Variants in MAGI3 observed in about 807,000 individuals in gnomAD.
MAGI3 encodes the protein membrane associated guanylate kinase, WW and PDZ domain containing 3.
In MAGI3, 43 loss-of-function variants were observed where a neutral mutation model predicts 121.8. The observed-to-expected ratio is 0.35, with a 90% CI of 0.28 to 0.46. MAGI3 has a LOEUF of 0.46. Ranked by LOEUF, MAGI3 falls within the 20% of genes least tolerant of loss-of-function variation. The pLI is 1.00. For synonymous variants in MAGI3, 553 were observed against 639.3 expected, an observed-to-expected ratio of 0.86 and a Z score of 2.04; for missense variants, 1,547 against 1,797.3, an observed-to-expected ratio of 0.86 and a Z score of 2.52.
At chr1:113,622,698 G>A (rs1442056439) in intron 8 of MAGI3, 108 bp from the exon 9 acceptor site, 2 of 895,074 alleles carry the variant, frequency 2.2e-6, no homozygotes, top group Non-Finnish European at 3.3e-6. Context: ...CAATGAGAAA[G>A]AGATTAAGTT....
intron 16 of MAGI3, among the ~76,000 whole-genome samples, chr1:113,671,132 A>G (rs1399920167): frequency 1.3e-5 from 2 of 152,176 alleles, no homozygotes; most frequent in African/African-American, 4.8e-5. Flanking sequence ...AATGATACAA[A>G]ACAAATGTAA....
intron 15 of MAGI3, among the ~76,000 whole-genome samples, chr1:113,655,266 A>G (rs1170366745): frequency 2.0e-5 from 3 of 152,194 alleles, no homozygotes; most frequent in Non-Finnish European, 4.4e-5. Flanking sequence ...ACATACAATA[A>G]CACCAGGCAT....
intron 7 of MAGI3, among the ~76,000 whole-genome samples, chr1:113,616,176 G>A (rs578073887): frequency 3.3e-5 from 5 of 152,256 alleles, no homozygotes; most frequent in African/African-American, 9.6e-5. Flanking sequence ...ATCCTGAAGC[G>A]ACCTGCTCCT....
At chr1:113,455,238 A>T (rs1171767462) in intron 1 of MAGI3, among the ~76,000 whole-genome samples, 4 of 152,218 alleles carry the variant, frequency 2.6e-5, no homozygotes, top group Non-Finnish European at 5.9e-5. Context: ...GAAATCATTT[A>T]AAAAGTTAAA....
intron 1 of MAGI3, among the ~76,000 whole-genome samples, chr1:113,443,644 C>T (rs939956340): frequency 2.0e-5 from 3 of 152,048 alleles, no homozygotes; most frequent in Admixed American, 6.6e-5. Context: ...CAATCCCATC[C>T]GTAGTTTTTG....
rs372891213 is a variant in MAGI3, at chr1:113,613,322, A to G, written c.1019-1279A>G. On this transcript the variant is annotated intron_variant, in intron 6 of 20. Coordinates refer to ENST00000307546, the MANE Select transcript of MAGI3 (RefSeq NM_001142782.2). ...AAAGGAAAAACACAAAAACTCATCA[A>G]ACTTTGAAACCACCAATCAATATAT... 3.3e-5 allele frequency among the ~76,000 whole-genome samples: 5 copies of G among 152,270 alleles called. No homozygotes were observed. In the East Asian group the frequency reaches 5.8e-4, roughly 18 times the overall value.
At position 113,648,433 on chromosome 1, in the gene MAGI3, A is replaced by G. The variant is rs181603728; in HGVS notation, c.2156-804A>G. Among the ~76,000 whole-genome samples the G allele has an allele frequency of 6.0e-4, 87 of 145,188 alleles. 2 individuals carry two copies. In the East Asian group the frequency reaches 0.016, roughly 27 times the overall value. Reference sequence around the variant, plus strand: ...AATATTCTTTTTTTTTTTTTTTGAGATGGAGTCTTGCTCTGTTGCCCAGGC... The same window carrying G: ...AATATTCTTTTTTTTTTTTTTTGAGGTGGAGTCTTGCTCTGTTGCCCAGGC... On this transcript the variant is annotated intron_variant, in intron 12 of 20. Transcript: ENST00000307546.
At chr1:113,467,606 C>T (rs1017196719) in intron 1 of MAGI3, among the ~76,000 whole-genome samples, 3 of 152,168 alleles carry the variant, frequency 2.0e-5, no homozygotes, top group African/African-American at 2.4e-5. Flanking sequence ...GGTCATAGCT[C>T]TCTGCAGCTT....
At position 113,683,289 on chromosome 1, in the gene MAGI3, A is replaced by G; in HGVS notation, c.3721A>G (p.Ser1241Gly). ...AGAGGAACATTTGGATAAGATTCCT[A>G]GTCCTCTAAAAAATAACCCCAAAAG... ...HSEEHLDKIP[S>G]PLKNNPKRRP... is the part of the protein sequence containing the mutation. The change falls in exon 21 of 21, where the codon AGT (serine) becomes GGT (glycine). Residue 1241 changes from serine to glycine, a missense_variant. By Grantham distance (56) the Ser-to-Gly change is moderately conservative (BLOSUM62 0). Transcript: ENST00000307546. 6.2e-7 allele frequency: 1 copy of G among 1,612,748 alleles called. No individual in the cohort carries two copies. The highest frequency in any genetic ancestry group is 8.5e-7 in the Non-Finnish European group (1 of 1,179,620).
intron 2 of MAGI3, among the ~76,000 whole-genome samples, 189 bp downstream of exon 2, chr1:113,549,820 G>T (rs1659690413): frequency 6.6e-6 from 1 of 151,996 alleles, no homozygotes; most frequent in South Asian, 2.1e-4. Flanking sequence ...TTTAAAAGTA[G>T]AAAAATGGAA....
chr1:113,629,572 G>T (rs189384369), intron 9 of MAGI3, among the ~76,000 whole-genome samples: 1 of 152,200 alleles, frequency 6.6e-6, no homozygotes, highest in African/African-American at 2.4e-5. Context: ...CCTTGGGAAG[G>T]CTTTCCAGGT....
intron 1 of MAGI3, among the ~76,000 whole-genome samples, chr1:113,517,619 A>T (rs530012115): frequency 3.3e-5 from 5 of 151,902 alleles, no homozygotes; most frequent in South Asian, 4.2e-4. Context: ...TTTTCTTCTC[A>T]TTCTGGTAGC....
intron 1 of MAGI3, among the ~76,000 whole-genome samples, chr1:113,423,260 G>GC (rs1303012710): frequency 1.1e-5 from 1 of 92,242 alleles, no homozygotes; most frequent in Non-Finnish European, 2.3e-5. Context: ...TTTTTTTTTT[G>GC]GGGGGGGGGT....
chr1:113,559,432 G>C (rs924497574), intron 2 of MAGI3, among the ~76,000 whole-genome samples: 2 of 152,160 alleles, frequency 1.3e-5, no homozygotes, highest in African/African-American at 4.8e-5. Context: ...CTTTAAAATA[G>C]ACTTTAAACT....
At position 113,668,737 on chromosome 1, in the gene MAGI3, C is replaced by T. The variant is rs560046845; in HGVS notation, c.2816-2997C>T. Among the ~76,000 whole-genome samples the T allele has an allele frequency of 9.2e-5, 14 of 151,370 alleles. No individual in the cohort carries two copies. The South Asian group carries it at 1.5e-3, about 16-fold the overall frequency. On this transcript the variant is annotated intron_variant, in intron 16 of 20. Coordinates refer to ENST00000307546, the MANE Select transcript of MAGI3 (RefSeq NM_001142782.2). ...AGCTGGGACTACAGGCGCCCGCCAC[C>T]GCGCCCGGCTAATTTTTTGTATTTT...
chr1:113,550,135 G>A (rs1251050626), intron 2 of MAGI3, among the ~76,000 whole-genome samples: 1 of 149,968 alleles, frequency 6.7e-6, no homozygotes, highest in South Asian at 2.1e-4. Flanking sequence ...AAAAGGCCGG[G>A]CGCGGTGGCT....
rs1033456318 is a variant in MAGI3 at position 113,566,515 on chromosome 1, A to G, written c.434-14027A>G. ...AACAGCAGAATATACACTCTTATCA[A>G]GCATGCATGGAAGATTCTCTATGAT... On this transcript the variant is annotated intron_variant, in intron 2 of 20. Transcript: ENST00000307546. Among the ~76,000 whole-genome samples the G allele has an allele frequency of 3.3e-5, 5 of 152,330 alleles. No individual in the cohort carries two copies. The East Asian group carries it at 9.6e-4, about 29-fold the overall frequency.
intron 2 of MAGI3, among the ~76,000 whole-genome samples, chr1:113,563,710 G>A (rs1660329629): frequency 6.6e-6 from 1 of 152,092 alleles, no homozygotes; most frequent in African/African-American, 2.4e-5. Context: ...TTTTCCTATG[G>A]GTTTCTCGCA....
chr1:113,639,005 G>C (rs1371211379), intron 9 of MAGI3, among the ~76,000 whole-genome samples: 7 of 152,196 alleles, frequency 4.6e-5, no homozygotes, highest in Non-Finnish European at 8.8e-5. Context: ...CTAGCAATCA[G>C]TGAGACTCCG....
Sources: gnomAD v4.1 joint callset for allele counts (sites outside exome capture counted in the v4.1 genomes callset) on GRCh38, gnomAD v4.1.1 for gene constraint, MANE v1.5 for transcripts, NCBI Gene and HGNC (gene_info 2026-07-23, HGNC 2026-07-21) for gene names.